TTN: variants seen among roughly 807,000 people sequenced by gnomAD.
The protein encoded by TTN is titin, also known as connectin.
In TTN, 1,525 loss-of-function variants were observed where a neutral mutation model predicts 3,223.0. The ratio of observed to expected loss-of-function variants is 0.47; its 90% CI spans 0.45 to 0.49. TTN has a LOEUF of 0.49. Ranked by LOEUF, TTN falls within the 20% of genes least tolerant of loss-of-function variation. The pLI, the probability that TTN is intolerant of heterozygous loss-of-function variation, is 0.00. For missense variants in TTN, 40,786 were observed against 43,424.0 expected (o/e 0.94, Z 5.40); for synonymous variants, 14,094 against 15,161.0 (o/e 0.93, Z 5.17).
At chr2:178,583,525 T>G (rs1437780972) in intron 312 of TTN, 82 bp downstream of exon 312, 2 of 1,342,036 alleles carry the variant, frequency 1.5e-6, no homozygotes, top group Admixed American at 6.0e-5. Context: ...TTTCCTTAGG[T>G]GTATATTTAG....
At position 178,652,300 on chromosome 2, in the gene TTN, G is replaced by A. The variant is rs1387140150; in HGVS notation, c.39175C>T (p.Pro13059Ser). ...GGCACTTCAGGCTTTTTAGGAGGAG[G>A]CACTGGCACTTTCTTTTCAGGAACA... ...EVVPEKKVPV[P>S]PPKKPEVPPT... The change falls in exon 203 of 363, where the codon CCT becomes TCT. Residue 13059 changes from proline (P) to serine (S), a missense_variant. Coordinates refer to ENST00000589042, the MANE Select transcript of TTN (RefSeq NM_001267550.2). 1.2e-6 allele frequency: 2 copies of A among 1,613,354 alleles called. No homozygotes were observed. The highest frequency in any genetic ancestry group is 1.7e-4 in the Middle Eastern group (1 of 6,024).
rs751998418 is a variant in TTN at position 178,767,893 on chromosome 2, G to T, written c.9337C>A (p.Arg3113Ser). The change falls in exon 40 of 363, where the codon CGC (arginine) becomes AGC (serine). Residue 3113 changes from arginine (R) to serine (S), a missense_variant. Physicochemically the swap from Arg to Ser is moderately radical, Grantham distance 110. Transcript: ENST00000589042. ...ATCCGGGTGGATGGGATCAGAAGGC[G>T]GTGGACATATTTCTCCTTCTGAATC... ...IKIQKEKYVH[R>S]LLIPSTRMSD... 1 of 1,613,934 alleles carries T rather than the reference G, an allele frequency of 6.2e-7. No individual in the cohort carries two copies.
At chr2:178,669,177 T>G (rs1380663790) in intron 159 of TTN, among the ~76,000 whole-genome samples, 196 bp downstream of exon 159, 1 of 152,194 alleles carries the variant, frequency 6.6e-6, no homozygotes, top group Non-Finnish European at 1.5e-5. Flanking sequence ...AGTAGAGTAT[T>G]TCTTTTTTAA....
chr2:178,678,070 G>C, intron 145 of TTN, 55 bp downstream of exon 145: 3 of 1,576,282 alleles, frequency 1.9e-6, no homozygotes, highest in Admixed American at 1.9e-5. Context: ...TAGTAAGGCT[G>C]TATAACACCA....
At position 178,775,379 on chromosome 2, in the gene TTN, C is replaced by G; in HGVS notation, c.6485G>C (p.Ser2162Thr). The change falls in exon 28 of 363, where the codon AGT becomes ACT. Residue 2162 changes from serine (S) to threonine (T), a missense_variant. By Grantham distance (58) the Ser-to-Thr change is moderately conservative. Coordinates refer to ENST00000589042, the MANE Select transcript of TTN (RefSeq NM_001267550.2). ...KAINIAGETS[S>T]HAFLLVQAKQ... The stretch of plus-strand genomic sequence containing the variant: ...ACCTTGGACAAGTAAGAATGCGTGA[C>G]TGGAGGTTTCTCCAGCTATGTTGAT... 1 of 1,614,100 alleles carries G rather than the reference C, an allele frequency of 6.2e-7. No homozygotes were observed. Among genetic ancestry groups the G allele is most frequent in the East Asian group, 2.2e-5 (1 of 44,856 alleles).
At position 178,539,872 on chromosome 2, in the gene TTN, T is replaced by C; in HGVS notation, c.98193A>G (p.Lys32731=). ...TGGTCCATTTACATATTGGGAATGG[T>C]TTTCCTTTGATTGGTATGGTAAGTC... ...VIRLTIPIKG[K]PFPICKWTKE... Residue 32731 remains lysine (K), a synonymous_variant, in exon 352 of 363, where the codon AAA becomes AAG. Transcript: ENST00000589042. 1 of 1,613,818 alleles carries C rather than the reference T, an allele frequency of 6.2e-7. No individual in the cohort carries two copies.
chr2:178,667,136 A>G, intron 162 of TTN, 100 bp downstream of exon 162: 2 of 1,131,900 alleles, frequency 1.8e-6, no homozygotes, highest in Non-Finnish European at 2.5e-6. Context: ...ACAGTATTTT[A>G]ACATTAGAGG....
In TTN at chr2:178,685,601, TTAAAGAC is replaced by T. The variant is rs892907820; in HGVS notation, c.32312-10_32312-4del. 3.1e-6 allele frequency: 5 copies of T among 1,612,576 alleles called. No homozygotes were observed. The highest frequency in any genetic ancestry group is 3.4e-6 in the Non-Finnish European group (4 of 1,179,260). On this transcript the variant is annotated splice_region_variant and splice_polypyrimidine_tract_variant and intron_variant, in intron 127 of 362. Coordinates refer to ENST00000589042, the MANE Select transcript of TTN (RefSeq NM_001267550.2). ...ATATTCCTCAGGCTCTTCCATCACT[TTAAAGAC>T]AGCAGTTTTAAAGAAGATAAATTAC...
chr2:178,748,355 A>G (rs767802140), intron 47 of TTN: 5 of 1,613,126 alleles, frequency 3.1e-6, no homozygotes, highest in Non-Finnish European at 4.2e-6. Context: ...TCTATTTGAA[A>G]GCTCTTGACT....
At chr2:178,665,837 T>G in intron 163 of TTN, 46 bp from the exon 164 acceptor site, 1 of 1,010,284 alleles carries the variant, frequency 9.9e-7, no homozygotes, top group Non-Finnish European at 1.3e-6. Flanking sequence ...TGAAGAGGAG[T>G]AAAGAGTTCC....
chr2:178,590,197 A>G lies in TTN; in HGVS notation c.61528T>C (p.Trp20510Arg). Residue 20510 changes from tryptophan to arginine, a missense_variant, in exon 304 of 363, where the codon TGG becomes CGG. Transcript: ENST00000589042. The stretch of plus-strand genomic sequence containing the variant: ...ACCAATACTTTGCCTTCCTTAGTCC[A>G]AGTTATGTCTGGTTCAGGTCTGCCT... Reference protein sequence around the residue: ...VKGRPEPDITWTKEGKVLVRE... With the variant: ...VKGRPEPDITRTKEGKVLVRE... 1.2e-6 allele frequency: 2 copies of G among 1,609,282 alleles called. No individual in the cohort carries two copies. The highest frequency in any genetic ancestry group is 1.7e-6 in the Non-Finnish European group (2 of 1,177,690).
chr2:178,727,272 C>T lies in TTN; in HGVS notation c.20093G>A (p.Arg6698Lys). ...ATGTTCATTTCGGAACCACACAACT[C>T]TGATTTCTGGGGATCCAGCTATCTT... ...ECKIAGSPEIRVVWFRNEHEL... is the reference protein window; with the variant it reads ...ECKIAGSPEIKVVWFRNEHEL... The change falls in exon 69 of 363, where the codon AGA becomes AAA. Residue 6698 changes from arginine to lysine, a missense_variant. Coordinates refer to ENST00000589042, the MANE Select transcript of TTN (RefSeq NM_001267550.2). 1 of 1,613,128 alleles carries T rather than the reference C, an allele frequency of 6.2e-7. No individual in the cohort carries two copies. Among genetic ancestry groups the T allele is most frequent in the Non-Finnish European group, 8.5e-7 (1 of 1,179,410 alleles).
intron 13 of TTN, among the ~76,000 whole-genome samples, chr2:178,788,030 G>A (rs1480204532): frequency 1.3e-5 from 2 of 152,052 alleles, no homozygotes; most frequent in East Asian, 1.9e-4. Flanking sequence ...TCAACTGGAG[G>A]ATGGACTGAA....
At chr2:178,742,024 T>G (rs1452178359) in intron 47 of TTN, 103 bp from the exon 48 acceptor site, 1 of 884,130 alleles carries the variant, frequency 1.1e-6, no homozygotes, top group African/African-American at 1.8e-5. Context: ...TTCTGCTTTA[T>G]TCCTGGAATG....
rs760309308 is a variant in TTN at position 178,532,884 on chromosome 2, C to T, written c.103731G>A (p.Gln34577=). 5 of 1,613,856 alleles carry T rather than the reference C, an allele frequency of 3.1e-6. No individual in the cohort carries two copies. The highest frequency in any genetic ancestry group is 4.2e-6 in the Non-Finnish European group (5 of 1,179,882). ...DMKWYKKIRD[Q]YEMPGKLDRV... ...TGTCAAGTTTCCCAGGCATTTCATA[C>T]TGATCACGTATCTTTTTATACCACT... The change falls in exon 358 of 363, where the codon CAG becomes CAA. Residue 34577 remains glutamine, a synonymous_variant. Transcript: ENST00000589042.
chr2:178,758,504 A>G (rs1390939124), intron 44 of TTN, among the ~76,000 whole-genome samples: 1 of 152,202 alleles, frequency 6.6e-6, no homozygotes, highest in African/African-American at 2.4e-5. Context: ...TCTTAACACT[A>G]AGACATTCTT....
At position 178,601,897 on chromosome 2, in the gene TTN, T is replaced by C; in HGVS notation, c.55287A>G (p.Ile18429Met). 3 of 1,611,980 alleles carry C rather than the reference T, an allele frequency of 1.9e-6. No homozygotes were observed. Among genetic ancestry groups the C allele is most frequent in the Non-Finnish European group, 2.5e-6 (3 of 1,179,068 alleles). The change falls in exon 285 of 363, where the codon ATA becomes ATG. Residue 18429 changes from isoleucine to methionine, a missense_variant. By Grantham distance (10) the Ile-to-Met change is conservative. Transcript: ENST00000589042. ...KKAMKDGVHD[I>M]PEDAQLETAE... is the part of the protein sequence containing the mutation. ...ATTTTTTTACCTGTGCATCTTCGGG[T>C]ATGTCATGAACTCCATCCTATTAGA...
Position 178,710,893 on chromosome 2 carries a change from G to C in TTN, c.28204C>G (p.Arg9402Gly). The C allele has an allele frequency of 6.2e-7, 1 of 1,613,414 alleles. No individual in the cohort carries two copies. The highest frequency in any genetic ancestry group is 8.5e-7 in the Non-Finnish European group (1 of 1,179,428). ...EGKNPPFFDI[R>G]LAPVDAVVGE... The stretch of plus-strand genomic sequence containing the variant: ...ACCACAGCATCCACAGGGGCAAGAC[G>C]GATGTCAAAGAAGGGTGGGTTCTTC... Residue 9402 changes from arginine (R) to glycine (G), a missense_variant, in exon 98 of 363, where the codon CGT (arginine) becomes GGT (glycine). Coordinates refer to ENST00000589042, the MANE Select transcript of TTN (RefSeq NM_001267550.2).
In TTN at chr2:178,559,994, C is replaced by A. The variant is rs552631098; in HGVS notation, c.86138G>T (p.Ser28713Ile). Reference protein sequence around the residue: ...QSLRGTEYTISGLTTGAEYVF... With the variant: ...QSLRGTEYTIIGLTTGAEYVF... ...ATATTCAGCTCCTGTTGTTAGTCCG[C>A]TTATTGTATATTCTGTCCCTCGTAA... The change falls in exon 326 of 363, where the codon AGC becomes ATC. Residue 28713 changes from serine to isoleucine, a missense_variant. Coordinates refer to ENST00000589042, the MANE Select transcript of TTN (RefSeq NM_001267550.2). The A allele has an allele frequency of 1.2e-6, 2 of 1,613,630 alleles. No homozygotes were observed. Among genetic ancestry groups the A allele is most frequent in the African/African-American group, 2.7e-5 (2 of 74,900 alleles).
Sources: allele counts gnomAD v4.1 joint callset (sites outside exome capture counted in the v4.1 genomes callset), GRCh38; gene constraint gnomAD v4.1.1; transcripts MANE v1.5; gene names NCBI Gene and HGNC (gene_info 2026-07-23, HGNC 2026-07-21).